TNKS: variants seen among roughly 807,000 people sequenced by gnomAD.
TNKS encodes the protein poly [ADP-ribose] polymerase tankyrase-1.
A neutral mutation model predicts 135.8 loss-of-function variants in TNKS; 72 were observed. That is an observed-to-expected ratio of 0.53 (90% CI 0.44 to 0.64). The LOEUF is 0.64. Ranked by LOEUF, TNKS falls within the 30% of genes least tolerant of loss-of-function variation. TNKS has a pLI of 0.00. For missense variants in TNKS, 1,769 were observed against 1,674.0 expected (o/e 1.06, Z -0.99); for synonymous variants, 849 against 649.3 (o/e 1.31, Z -4.68).
At chr8:9,677,992 C>A (rs980446441) in intron 3 of TNKS, among the ~76,000 whole-genome samples, 3 of 152,182 alleles carry the variant, frequency 2.0e-5, no homozygotes, top group Non-Finnish European at 4.4e-5. Context: ...CCCCCAACTA[C>A]CCTTCCAATC....
chr8:9,570,416 A>C (rs1237732508), intron 1 of TNKS, among the ~76,000 whole-genome samples: 3 of 152,226 alleles, frequency 2.0e-5, no homozygotes, highest in Non-Finnish European at 4.4e-5. Flanking sequence ...AAATACAGGG[A>C]AGAGATTCCA....
At chr8:9,582,185 A>G (rs1487241325) in intron 2 of TNKS, among the ~76,000 whole-genome samples, 1 of 152,214 alleles carries the variant, frequency 6.6e-6, no homozygotes, top group Non-Finnish European at 1.5e-5. Context: ...TCTGAGGTTC[A>G]CTGAAACCTG....
chr8:9,603,079 G>T (rs1799077930), intron 2 of TNKS, among the ~76,000 whole-genome samples: 1 of 151,450 alleles, frequency 6.6e-6, no homozygotes, highest in Non-Finnish European at 1.5e-5. Flanking sequence ...TTGAGATGGA[G>T]TCTCGCTTTA....
intron 1 of TNKS, among the ~76,000 whole-genome samples, chr8:9,565,581 C>A (rs1300965061): frequency 6.6e-6 from 1 of 152,140 alleles, no homozygotes; most frequent in Non-Finnish European, 1.5e-5. Context: ...ACTAAACCAG[C>A]CAGGCGTGGT....
rs6601360 is a variant in TNKS at position 9,720,430 on chromosome 8, T to A, written c.1806T>A (p.Gly602=). The A allele has an allele frequency of 6.2e-7, 1 of 1,614,074 alleles. No homozygotes were observed. The change falls in exon 12 of 27, where the codon GGT becomes GGA. Residue 602 remains glycine (G), a synonymous_variant. Transcript: ENST00000310430. The part of the protein sequence containing the change: ...QTALHRAALA[G]HLQTCRLLLS... Reference sequence around the variant, plus strand: ...CTTTGCATAGAGCCGCCCTAGCAGGTCACCTGCAGACCTGCCGCCTCCTGC... The same window carrying A: ...CTTTGCATAGAGCCGCCCTAGCAGGACACCTGCAGACCTGCCGCCTCCTGC...
intron 20 of TNKS, among the ~76,000 whole-genome samples, chr8:9,760,609 A>G (rs897849649): frequency 6.6e-6 from 1 of 152,218 alleles, no homozygotes; most frequent in African/African-American, 2.4e-5. Flanking sequence ...TCACAAAGCT[A>G]GCTTCATCAG....
intron 3 of TNKS, chr8:9,671,063 A>T (rs996124889): frequency 6.6e-6 from 1 of 152,190 alleles, no homozygotes; most frequent in African/African-American, 2.4e-5. Context: ...CAAGGTTGGT[A>T]TCTGCAGTGG....
chr8:9,620,555 C>A (rs1445916468), intron 3 of TNKS, among the ~76,000 whole-genome samples: 1 of 152,164 alleles, frequency 6.6e-6, no homozygotes, highest in Admixed American at 6.5e-5. Flanking sequence ...TTAACAGTGG[C>A]CTGTCCTGAT....
chr8:9,621,313 T>TTC (rs1395811623), intron 3 of TNKS, among the ~76,000 whole-genome samples: 16 of 151,570 alleles, frequency 1.1e-4, no homozygotes, highest in Non-Finnish European at 1.8e-4. Flanking sequence ...TTTGCTTTTT[T>TTC]TTTTTTTTGA....
At position 9,570,751 on chromosome 8, in the gene TNKS, A is replaced by C. The variant is rs573515965; in HGVS notation, c.674-9408A>C. On this transcript the variant is annotated intron_variant, in intron 1 of 26. Coordinates refer to ENST00000310430, the MANE Select transcript of TNKS (RefSeq NM_003747.3). ...AGCTCGGAACTGTGACCACACATTG[A>C]GGTGCATCTGCCATACAGGGTCATT... Among the ~76,000 whole-genome samples the C allele has an allele frequency of 2.0e-5, 3 of 152,244 alleles. No individual in the cohort carries two copies. The South Asian group carries it at 6.2e-4, about 32-fold the overall frequency.
chr8:9,623,697 A>T (rs557346462), intron 3 of TNKS, among the ~76,000 whole-genome samples: 1 of 152,214 alleles, frequency 6.6e-6, no homozygotes, highest in East Asian at 1.9e-4. Context: ...ATGGAGTGGG[A>T]GGGAATAGAA....
intron 2 of TNKS, among the ~76,000 whole-genome samples, chr8:9,591,871 G>C (rs866082220): frequency 2.4e-4 from 37 of 152,106 alleles, no homozygotes; most frequent in African/African-American, 7.5e-4. Context: ...AGTATATAGA[G>C]AAATAACATT....
In TNKS at chr8:9,642,078, G is replaced by C. The variant is rs1385593526; in HGVS notation, c.994+26401G>C. 1.4e-5 allele frequency among the ~76,000 whole-genome samples: 2 copies of C among 146,054 alleles called. 1 individual carries two copies. Among genetic ancestry groups the C allele is most frequent in the African/African-American group, 5.1e-5 (2 of 39,468 alleles). On this transcript the variant is annotated intron_variant, in intron 3 of 26. Coordinates refer to ENST00000310430, the MANE Select transcript of TNKS (RefSeq NM_003747.3). Reference sequence around the variant, plus strand: ...GGCTTAAATCTTTTAAGTTTATCAAGATGAGAAAACTTTAGCGTCTAAAGA... The same window carrying C: ...GGCTTAAATCTTTTAAGTTTATCAACATGAGAAAACTTTAGCGTCTAAAGA...
intron 17 of TNKS, among the ~76,000 whole-genome samples, chr8:9,745,469 A>G (rs576551061): frequency 6.6e-6 from 1 of 152,040 alleles, no homozygotes; most frequent in African/African-American, 2.4e-5. Context: ...CAGTGGTGCA[A>G]TCTTGACTCA....
chr8:9,622,212 GTGT>G (rs1799893264), intron 3 of TNKS, among the ~76,000 whole-genome samples: 1 of 152,126 alleles, frequency 6.6e-6, no homozygotes, highest in Non-Finnish European at 1.5e-5. Flanking sequence ...CAATTTTCAA[GTGT>G]TGTTTGCACC....
At chr8:9,567,737 G>C (rs1360042157) in intron 1 of TNKS, among the ~76,000 whole-genome samples, 2 of 152,148 alleles carry the variant, frequency 1.3e-5, no homozygotes, top group Non-Finnish European at 2.9e-5. Flanking sequence ...TTCTTTAAAA[G>C]ACTATATAGA....
At chr8:9,647,960 T>C (rs1800979533) in intron 3 of TNKS, among the ~76,000 whole-genome samples, 1 of 152,176 alleles carries the variant, frequency 6.6e-6, no homozygotes, top group South Asian at 2.1e-4. Flanking sequence ...CTGAATACTG[T>C]AGGCAGTTAT....
chr8:9,705,818 C>G (rs1804014180), intron 6 of TNKS, among the ~76,000 whole-genome samples: 1 of 152,100 alleles, frequency 6.6e-6, no homozygotes, highest in Non-Finnish European at 1.5e-5. Flanking sequence ...GATTATTTTG[C>G]TAGAAATTAC....
intron 8 of TNKS, 106 bp from the exon 9 acceptor site, chr8:9,708,265 T>C (rs1408497331): frequency 9.5e-7 from 1 of 1,050,916 alleles, no homozygotes; most frequent in South Asian, 2.0e-5. Context: ...GTTGTTAAAA[T>C]AGAGAAATTC....
Sources: gnomAD v4.1 joint callset for allele counts (sites outside exome capture counted in the v4.1 genomes callset) on GRCh38, gnomAD v4.1.1 for gene constraint, MANE v1.5 for transcripts, NCBI Gene and HGNC (gene_info 2026-07-23, HGNC 2026-07-21) for gene names.